The following TMEM164 variants were observed in gnomAD, a reference collection of about 807,000 sequenced individuals.
The protein encoded by TMEM164 is transmembrane protein 164, also known as RP13-360B22.2.
TMEM164 carries 4 observed loss-of-function variants against 18.8 expected under a neutral mutation model. That is an observed-to-expected ratio of 0.21 (90% CI 0.10 to 0.49). TMEM164 has a LOEUF of 0.49. TMEM164 is among the 20% of genes least tolerant of loss of function. TMEM164 has a pLI of 0.98. For synonymous variants in TMEM164, 86 were observed against 101.7 expected (o/e 0.85, Z 0.93); for missense variants, 108 against 239.9 (o/e 0.45, Z 3.63).
intron 2 of TMEM164, among the ~76,000 whole-genome samples, chrX:110,047,653 C>G (rs1394072897): frequency 8.9e-6 from 1 of 112,115 alleles, no homozygotes; most frequent in Non-Finnish European, 1.9e-5. Context: ...CAAAAACTGT[C>G]TCTATGGAGT....
At chrX:110,112,376 G>T (rs1415264187) in intron 4 of TMEM164, among the ~76,000 whole-genome samples, 2 of 111,232 alleles carry the variant, frequency 1.8e-5, no homozygotes, top group African/African-American at 6.6e-5. Context: ...GCATGGTGGT[G>T]CAAGCCTGTA....
chrX:110,154,496 T>C (rs1456474679), intron 5 of TMEM164, among the ~76,000 whole-genome samples: 1 of 111,144 alleles, frequency 9.0e-6, no homozygotes, highest in African/African-American at 3.3e-5. Context: ...CTTGGCTCAC[T>C]GCAACCTCTG....
chrX:110,084,466 A>G (rs865793688), intron 3 of TMEM164, among the ~76,000 whole-genome samples: 7 of 55,213 alleles, frequency 1.3e-4, no homozygotes, highest in East Asian at 3.6e-4. Context: ...ATAGTATAGT[A>G]TATATATATA....
At chrX:110,072,552 A>G (rs1272562393) in intron 3 of TMEM164, among the ~76,000 whole-genome samples, 1 of 110,803 alleles carries the variant, frequency 9.0e-6, no homozygotes, top group Non-Finnish European at 1.9e-5. Context: ...TTATTTTATA[A>G]TTTAAAAATA....
intron 4 of TMEM164, among the ~76,000 whole-genome samples, chrX:110,142,562 A>G (rs2066784896): frequency 8.8e-6 from 1 of 113,102 alleles, no homozygotes; most frequent in Non-Finnish European, 1.9e-5. Flanking sequence ...TTGGAACAAT[A>G]CAGTTCTTAT....
At chrX:110,168,900 C>G (rs1256845374) in intron 5 of TMEM164, among the ~76,000 whole-genome samples, 2 of 112,758 alleles carry the variant, frequency 1.8e-5, no homozygotes, top group African/African-American at 6.4e-5. Flanking sequence ...TCAGCATTTG[C>G]TAAATCCCAG....
At chrX:110,128,724 G>C (rs1003784439) in intron 4 of TMEM164, among the ~76,000 whole-genome samples, 16 of 111,471 alleles carry the variant, frequency 1.4e-4, no homozygotes, top group African/African-American at 5.2e-4. Flanking sequence ...TTTCTAATTT[G>C]TCTTACTGTA....
At chrX:110,143,574 C>T (rs950850812) in intron 4 of TMEM164, among the ~76,000 whole-genome samples, 3 of 111,634 alleles carry the variant, frequency 2.7e-5, no homozygotes, top group South Asian at 3.8e-4. Context: ...GAGCCAGAGC[C>T]AACGTCTGTG....
Position 110,091,839 on chromosome X carries a change from C to T in TMEM164, c.441-17241C>T, listed in dbSNP as rs1407705392. ...TTTTCTTCTAGGGTTTTTATGGTTTCAGGTCTAACATTTAAGTCTTTAATC... is the reference window on the plus strand; with the variant it reads ...TTTTCTTCTAGGGTTTTTATGGTTTTAGGTCTAACATTTAAGTCTTTAATC... On this transcript the variant is annotated intron_variant, in intron 3 of 6. Coordinates refer to ENST00000372068, the MANE Select transcript of TMEM164 (RefSeq NM_032227.4). 8.9e-5 allele frequency among the ~76,000 whole-genome samples: 10 copies of T among 112,126 alleles called. No homozygotes were observed. The Admixed American group carries it at 9.4e-4, about 11-fold the overall frequency.
At chrX:110,095,502 G>A (rs2066002129) in intron 3 of TMEM164, among the ~76,000 whole-genome samples, 1 of 111,794 alleles carries the variant, frequency 8.9e-6, no homozygotes, top group African/African-American at 3.3e-5. Context: ...GTGTCACCTA[G>A]TTCTCATGTC....
At chrX:110,055,239 A>G (rs931890823) in intron 2 of TMEM164, 2 of 360,096 alleles carry the variant, frequency 5.6e-6, no homozygotes, top group South Asian at 2.5e-5. Context: ...TGAGTTGCCT[A>G]CTTCTCAGCG....
intron 6 of TMEM164, 60 bp downstream of exon 6, chrX:110,171,580 A>G (rs1258065734): frequency 1.0e-6 from 1 of 957,356 alleles, no homozygotes; most frequent in Non-Finnish European, 1.5e-6. Context: ...AAATCTTGGT[A>G]ATCCTGGTTG....
At chrX:110,084,412 T>TATATATA (rs58569936) in intron 3 of TMEM164, among the ~76,000 whole-genome samples, 17 of 1,061 alleles carry the variant, frequency 0.016, no homozygotes, top group African/African-American at 0.062. Context: ...ATATATATAG[T>TATATATA]GTATATATAT....
rs181818876 is a variant in TMEM164, at chrX:110,035,121, A to G, written c.390+30957A>G. On this transcript the variant is annotated intron_variant, in intron 2 of 6. Coordinates refer to ENST00000372068, the MANE Select transcript of TMEM164 (RefSeq NM_032227.4). ...GCATTAGTAGATATACCTAATGCTA[A>G]ATGACGAGTTAATGGGTGCAGCACA... Among the ~76,000 whole-genome samples, 414 of 105,245 alleles carry G rather than the reference A, an allele frequency of 3.9e-3. 2 individuals carry two copies. Among genetic ancestry groups the G allele is most frequent in the Non-Finnish European group, 7.0e-3 (357 of 51,129 alleles). The allele number at this position is 105,245 out of a possible 115,157, so 91.4% of individuals were successfully genotyped here. A position where few individuals can be genotyped will look rare whatever the true frequency, so the allele number is the denominator to read the frequency against.
At chrX:110,130,474 C>T (rs1169281771) in intron 4 of TMEM164, among the ~76,000 whole-genome samples, 1 of 111,612 alleles carries the variant, frequency 9.0e-6, no homozygotes, top group Non-Finnish European at 1.9e-5. Flanking sequence ...CAGAGAAGTG[C>T]CATGTACTAA....
At chrX:110,045,175 T>G (rs1328207996) in intron 2 of TMEM164, among the ~76,000 whole-genome samples, 1 of 111,695 alleles carries the variant, frequency 9.0e-6, no homozygotes, top group Admixed American at 9.5e-5. Flanking sequence ...AGAGATGGGC[T>G]AAAGGCCAGT....
chrX:110,050,154 T>A lies in TMEM164; in HGVS notation c.391-17193T>A, dbSNP rs1602531273. Reference sequence around the variant, plus strand: ...CTCTGAATAAACTCCCCTTTGTCTTTCTGGGCCGAGGGAACCAAATGACTA... The same window carrying A: ...CTCTGAATAAACTCCCCTTTGTCTTACTGGGCCGAGGGAACCAAATGACTA... On this transcript the variant is annotated intron_variant, in intron 2 of 6. Coordinates refer to ENST00000372068, the MANE Select transcript of TMEM164 (RefSeq NM_032227.4). Among the ~76,000 whole-genome samples, 4 of 111,999 alleles carry A rather than the reference T, an allele frequency of 3.6e-5. No individual in the cohort carries two copies. The Admixed American group carries it at 3.8e-4, about 11-fold the overall frequency.
chrX:110,101,829 C>T (rs1213386317), intron 3 of TMEM164, among the ~76,000 whole-genome samples: 6 of 109,767 alleles, frequency 5.5e-5, no homozygotes, highest in African/African-American at 2.0e-4. Context: ...GTGATCTCCC[C>T]GCCTTGGCCT....
chrX:110,074,817 G>A (rs368522481), intron 3 of TMEM164, among the ~76,000 whole-genome samples: 1 of 111,657 alleles, frequency 9.0e-6, no homozygotes, highest in Middle Eastern at 4.6e-3. Context: ...TTTAGTCTTT[G>A]TATCTGTTTT....
Sources: gnomAD v4.1 joint callset for allele counts (sites outside exome capture counted in the v4.1 genomes callset) on GRCh38, gnomAD v4.1.1 for gene constraint, MANE v1.5 for transcripts, NCBI Gene and HGNC (gene_info 2026-07-23, HGNC 2026-07-21) for gene names.